SND1: variants seen among roughly 807,000 people sequenced by gnomAD.
SND1 encodes staphylococcal nuclease and tudor domain containing 1.
Under a neutral mutation model 121.7 loss-of-function variants are expected in SND1, and 38 were observed. The ratio of observed to expected loss-of-function variants is 0.31; its 90% confidence interval spans 0.24 to 0.41. The LOEUF (loss-of-function observed/expected upper bound fraction) is 0.41. SND1 is among the 10% of genes least tolerant of loss of function. The probability of loss-of-function intolerance (pLI) is 1.00; values close to 1 mark genes in which losing one functional copy is unlikely to be tolerated. For missense variants in SND1, 868 were observed against 1,184.6 expected (o/e 0.73, Z 3.92); for synonymous variants, 401 against 447.4 (o/e 0.90, Z 1.31).
intron 1 of SND1, among the ~76,000 whole-genome samples, chr7:127,679,466 T>C (rs1332353205): frequency 1.3e-5 from 2 of 152,236 alleles, no homozygotes; most frequent in Non-Finnish European, 2.9e-5. Context: ...TAACATACCA[T>C]AAAGTTGACA....
At chr7:128,076,567 A>G (rs1252700626) in intron 17 of SND1, among the ~76,000 whole-genome samples, 1 of 152,150 alleles carries the variant, frequency 6.6e-6, no homozygotes, top group Non-Finnish European at 1.5e-5. Flanking sequence ...CTGAACCCTG[A>G]TAAGAGCATC....
At chr7:128,078,307 A>G (rs373528325) in intron 17 of SND1, among the ~76,000 whole-genome samples, 2 of 152,218 alleles carry the variant, frequency 1.3e-5, no homozygotes, top group African/African-American at 2.4e-5. Context: ...GGGAACCGTC[A>G]TGGCTGCACT....
chr7:128,028,541 TATA>T lies in SND1; in HGVS notation c.1779+37488_1779+37490del, dbSNP rs1803547020. The T allele has an allele frequency of 2.0e-5, 16 of 801,562 alleles. 1 individual carries two copies. The highest frequency in any genetic ancestry group is 3.2e-5 in the Admixed American group (1 of 30,968). The allele number at this position is 801,562 out of a possible 1,614,324, so 49.7% of individuals were successfully genotyped here. A position where few individuals can be genotyped will look rare whatever the true frequency, so the allele number is the denominator to read the frequency against. ...TTGACTTTTTGTCTTTAAATTTTAATATAATCTGTTTTTTTTAACCAGCCCATA... is the reference window on the plus strand; with the variant it reads ...TTGACTTTTTGTCTTTAAATTTTAATATCTGTTTTTTTTAACCAGCCCATA... On this transcript the variant is annotated intron_variant, in intron 16 of 23. Transcript: ENST00000354725.
Position 128,029,097 on chromosome 7 carries a change from A to G in SND1, c.1779+38041A>G. ...CATGACTTCATCCAGGCTGGTCTGC[A>G]TCTTGTCAGTGGTGTCTGTCGCGGG... is the stretch of plus-strand genomic sequence containing the variant. On this transcript the variant is annotated intron_variant, in intron 16 of 23. Coordinates refer to ENST00000354725, the MANE Select transcript of SND1 (RefSeq NM_014390.4). The surrounding 1 kb of genome is among the most constrained non-coding windows in gnomAD (Gnocchi z 4.2). 6.2e-7 allele frequency: 1 copy of G among 1,614,140 alleles called. No individual in the cohort carries two copies. The highest frequency in any genetic ancestry group is 8.5e-7 in the Non-Finnish European group (1 of 1,180,028).
chr7:127,781,199 CTT>C (rs1306564570), intron 10 of SND1, among the ~76,000 whole-genome samples: 2 of 152,182 alleles, frequency 1.3e-5, no homozygotes, highest in Non-Finnish European at 2.9e-5. Flanking sequence ...ACTTAAAAGA[CTT>C]TGAAGTTCTC....
chr7:127,936,493 G>A (rs1441077968), intron 15 of SND1, among the ~76,000 whole-genome samples: 3 of 151,970 alleles, frequency 2.0e-5, no homozygotes, highest in African/African-American at 7.2e-5. Flanking sequence ...CACATATTTG[G>A]AAATTATTTG....
chr7:127,755,302 T>C (rs1399543998), intron 10 of SND1, among the ~76,000 whole-genome samples: 2 of 152,172 alleles, frequency 1.3e-5, no homozygotes, highest in Admixed American at 6.5e-5. Context: ...CTCTGTTCAA[T>C]TGTAGTGTGA....
intron 15 of SND1, among the ~76,000 whole-genome samples, chr7:127,952,094 ACTC>A (rs1801475116): frequency 6.6e-6 from 1 of 151,980 alleles, no homozygotes; most frequent in Non-Finnish European, 1.5e-5. Context: ...AAGACTCTAA[ACTC>A]CTTGAAGTTT....
At chr7:127,989,973 A>G (rs973821749) in intron 15 of SND1, among the ~76,000 whole-genome samples, 4 of 152,174 alleles carry the variant, frequency 2.6e-5, no homozygotes, top group African/African-American at 7.2e-5. Context: ...AGCACTTTGT[A>G]CAGAATCCTG....
chr7:128,057,960 C>G (rs567281176), intron 16 of SND1, among the ~76,000 whole-genome samples: 9 of 152,326 alleles, frequency 5.9e-5, no homozygotes, highest in African/African-American at 2.2e-4. Flanking sequence ...CCTGCAGGTA[C>G]TAAAAGTGAC....
intron 12 of SND1, among the ~76,000 whole-genome samples, chr7:127,876,376 C>T (rs895059150): frequency 6.6e-6 from 1 of 151,994 alleles, no homozygotes; most frequent in Non-Finnish European, 1.5e-5. Flanking sequence ...GGAGCCTCAA[C>T]TGGGGTAGAG....
chr7:128,001,049 C>G (rs1436125574), intron 16 of SND1, among the ~76,000 whole-genome samples: 1 of 152,198 alleles, frequency 6.6e-6, no homozygotes, highest in East Asian at 1.9e-4. Flanking sequence ...CTCCGTGTTC[C>G]AAACCTGGCT....
intron 16 of SND1, among the ~76,000 whole-genome samples, chr7:128,040,437 TAAAAAAAAAAAAAAAA>T (rs67595921): frequency 3.7e-4 from 12 of 32,870 alleles, no homozygotes; most frequent in African/African-American, 1.1e-3. Flanking sequence ...GTCCTATCTT[TAAAAAAAAAAAAAAAA>T]AAAAAAAAAA....
At chr7:127,666,936 A>G (rs143937542) in intron 1 of SND1, among the ~76,000 whole-genome samples, 5 of 152,342 alleles carry the variant, frequency 3.3e-5, no homozygotes, top group African/African-American at 1.2e-4. Context: ...TAGGATTTTA[A>G]TAATGAGGAG....
At chr7:127,975,115 A>G (rs1802082629) in intron 15 of SND1, among the ~76,000 whole-genome samples, 1 of 152,218 alleles carries the variant, frequency 6.6e-6, no homozygotes. Context: ...CTTTAATGAT[A>G]AAAACTATGA....
At chr7:127,971,434 A>T (rs1161560257) in intron 15 of SND1, among the ~76,000 whole-genome samples, 1 of 152,222 alleles carries the variant, frequency 6.6e-6, no homozygotes, top group Non-Finnish European at 1.5e-5. Flanking sequence ...CAGTCTTAGA[A>T]GGGCCTTGTG....
intron 17 of SND1, among the ~76,000 whole-genome samples, chr7:128,079,252 G>A (rs1340811487): frequency 6.6e-6 from 1 of 152,250 alleles, no homozygotes; most frequent in Admixed American, 6.5e-5. Flanking sequence ...CTCTCTCCTG[G>A]CCCTTTCACA....
intron 10 of SND1, among the ~76,000 whole-genome samples, chr7:127,790,592 G>C (rs376100671): frequency 1.3e-5 from 2 of 152,210 alleles, no homozygotes; most frequent in African/African-American, 2.4e-5. Flanking sequence ...GGTAATACTT[G>C]CTGACTCTTT....
At chr7:127,921,810 CA>C (rs1288467748) in intron 14 of SND1, among the ~76,000 whole-genome samples, 1 of 152,160 alleles carries the variant, frequency 6.6e-6, no homozygotes, top group Non-Finnish European at 1.5e-5. Flanking sequence ...GAATGTCATA[CA>C]AATGCAATCA....
Sources: allele counts gnomAD v4.1 joint callset (sites outside exome capture counted in the v4.1 genomes callset), GRCh38; gene constraint gnomAD v4.1.1; non-coding constraint Gnocchi (gnomAD v3.1); transcripts MANE v1.5; gene names NCBI Gene and HGNC (gene_info 2026-07-23, HGNC 2026-07-21).